RPTOR: variants seen among roughly 807,000 people sequenced by gnomAD.
The protein encoded by RPTOR is regulatory associated protein of MTOR complex 1, also known as regulatory-associated protein of mTOR.
In RPTOR, 21 loss-of-function variants were observed where a neutral mutation model predicts 169.9. The ratio of observed to expected loss-of-function variants is 0.12; its 90% CI spans 0.09 to 0.18. The LOEUF (loss-of-function observed/expected upper bound fraction) is 0.18, where lower values mean the gene tolerates loss of function less well. RPTOR is among the 10% of genes least tolerant of loss of function. The pLI is 1.00. For missense variants in RPTOR, 1,133 were observed against 1,855.9 expected, an observed-to-expected ratio of 0.61 and a Z score of 7.16; for synonymous variants, 732 against 753.2, an observed-to-expected ratio of 0.97 and a Z score of 0.46.
intron 3 of RPTOR, among the ~76,000 whole-genome samples, chr17:80,689,057 A>G (rs1038694669): frequency 3.9e-5 from 6 of 152,250 alleles, no homozygotes; most frequent in Admixed American, 6.5e-5. Flanking sequence ...TTGATTTTGG[A>G]TATGACTTTG....
chr17:80,837,729 C>G (rs1379414985), intron 9 of RPTOR, among the ~76,000 whole-genome samples, 193 bp from the exon 10 acceptor site: 1 of 152,222 alleles, frequency 6.6e-6, no homozygotes, highest in Non-Finnish European at 1.5e-5. Context: ...CTCTCCTGGC[C>G]TCCCCTCGGA....
chr17:80,549,075 T>A (rs777210268), intron 1 of RPTOR, among the ~76,000 whole-genome samples: 24 of 152,236 alleles, frequency 1.6e-4, no homozygotes, highest in Non-Finnish European at 1.5e-4. Flanking sequence ...CTTCCAGAGC[T>A]ACAGCCCTTG....
At chr17:80,961,524 T>G in intron 31 of RPTOR, 44 bp downstream of exon 31, 1 of 1,527,046 alleles carries the variant, frequency 6.5e-7, no homozygotes, top group South Asian at 1.2e-5. Context: ...TGTAAAAACA[T>G]TATTTTCCCC....
At chr17:80,777,459 T>C (rs940651599) in intron 6 of RPTOR, among the ~76,000 whole-genome samples, 1 of 152,178 alleles carries the variant, frequency 6.6e-6, no homozygotes, top group Non-Finnish European at 1.5e-5. Flanking sequence ...TCCTGCTGTG[T>C]GTGAAGTGGT....
chr17:80,595,731 T>A lies in RPTOR; in HGVS notation c.163-29960T>A, dbSNP rs148382826. On this transcript the variant is annotated intron_variant, in intron 1 of 33. Coordinates refer to ENST00000306801, the MANE Select transcript of RPTOR (RefSeq NM_020761.3). Reference sequence around the variant, plus strand: ...TTCGGCCTCCCAAAGTGTTGGGATTTTGGGCATGAGCCATCGTGCCCAGTG... The same window carrying A: ...TTCGGCCTCCCAAAGTGTTGGGATTATGGGCATGAGCCATCGTGCCCAGTG... Among the ~76,000 whole-genome samples, 509 of 152,340 alleles carry A rather than the reference T, an allele frequency of 3.3e-3. 3 individuals carry two copies. Among genetic ancestry groups the A allele is most frequent in the African/African-American group, 0.011 (476 of 41,578 alleles).
In RPTOR at chr17:80,900,332, C is replaced by CT. The variant is rs1285918825; in HGVS notation, c.2401+6475dup. ...GGGCCGTGTGCTCACTGTGGCCTTC[C>CT]TTTTTTTTCTGAGATGGAGTTTTCC... is the stretch of plus-strand genomic sequence containing the variant. On this transcript the variant is annotated intron_variant, in intron 20 of 33. Coordinates refer to ENST00000306801, the MANE Select transcript of RPTOR (RefSeq NM_020761.3). 1.9e-4 allele frequency among the ~76,000 whole-genome samples: 29 copies of CT among 151,060 alleles called. No individual in the cohort carries two copies. The East Asian group carries it at 3.5e-3, about 18-fold the overall frequency.
intron 4 of RPTOR, among the ~76,000 whole-genome samples, chr17:80,714,996 T>G (rs1343969160): frequency 6.6e-6 from 1 of 152,246 alleles, no homozygotes; most frequent in African/African-American, 2.4e-5. Context: ...GTGCTGGGAT[T>G]ACAGGCGTGA....
At chr17:80,710,167 G>A (rs560250732) in intron 4 of RPTOR, among the ~76,000 whole-genome samples, 4 of 151,892 alleles carry the variant, frequency 2.6e-5, no homozygotes, top group Non-Finnish European at 4.4e-5. Flanking sequence ...GCTAATTTTT[G>A]TATTTTTTGT....
chr17:80,588,355 G>T (rs1445651857), intron 1 of RPTOR, among the ~76,000 whole-genome samples: 1 of 152,020 alleles, frequency 6.6e-6, no homozygotes, highest in African/African-American at 2.4e-5. Context: ...TAGAGATGGG[G>T]TTTCACCATG....
At chr17:80,587,912 A>C (rs1312186271) in intron 1 of RPTOR, among the ~76,000 whole-genome samples, 1 of 152,050 alleles carries the variant, frequency 6.6e-6, no homozygotes, top group Non-Finnish European at 1.5e-5. Flanking sequence ...GTGCCTTTTG[A>C]CCAACATCTC....
intron 3 of RPTOR, among the ~76,000 whole-genome samples, chr17:80,670,030 A>G (rs1171710109): frequency 6.6e-6 from 1 of 152,190 alleles, no homozygotes; most frequent in Non-Finnish European, 1.5e-5. Flanking sequence ...GAAGCTTTAG[A>G]TGTACAAGAG....
intron 6 of RPTOR, among the ~76,000 whole-genome samples, chr17:80,777,077 A>T (rs1050929880): frequency 6.6e-5 from 10 of 152,154 alleles, no homozygotes; most frequent in Non-Finnish European, 1.3e-4. Flanking sequence ...TGTCTACTAA[A>T]AATACAAAAA....
At chr17:80,764,496 A>AT (rs1202213871) in intron 6 of RPTOR, among the ~76,000 whole-genome samples, 1 of 151,476 alleles carries the variant, frequency 6.6e-6, no homozygotes, top group Non-Finnish European at 1.5e-5. Context: ...TGAACTCATC[A>AT]TTTTTTATGG....
intron 24 of RPTOR, among the ~76,000 whole-genome samples, chr17:80,930,312 C>CCGGCT (rs2068868641): frequency 1.2e-5 from 1 of 80,142 alleles, no homozygotes; most frequent in African/African-American, 4.5e-5. Flanking sequence ...CAGCTCATCC[C>CCGGCT]CAGCTCAGCT....
At chr17:80,738,201 C>G (rs1357176204) in intron 5 of RPTOR, among the ~76,000 whole-genome samples, 1 of 152,226 alleles carries the variant, frequency 6.6e-6, no homozygotes, top group Non-Finnish European at 1.5e-5. Flanking sequence ...CCAGCCCGGC[C>G]CCGTGTACCT....
chr17:80,724,614 T>TC (rs1023863554), intron 4 of RPTOR, among the ~76,000 whole-genome samples: 2 of 152,124 alleles, frequency 1.3e-5, no homozygotes, highest in African/African-American at 4.8e-5. Flanking sequence ...GGTTCTCCCA[T>TC]CCCAACAGTG....
At position 80,947,964 on chromosome 17, in the gene RPTOR, A is replaced by G. The variant is rs191255720; in HGVS notation, c.3265+613A>G. Among the ~76,000 whole-genome samples, 188 of 152,282 alleles carry G rather than the reference A, an allele frequency of 1.2e-3. 1 individual carries two copies. The South Asian group carries it at 0.027, about 22-fold the overall frequency. ...TTAGTTTCATCTTCACTTTGGAACAATCGTTTGTTTCCATGTCAGTTACCC... is the reference window on the plus strand; with the variant it reads ...TTAGTTTCATCTTCACTTTGGAACAGTCGTTTGTTTCCATGTCAGTTACCC... On this transcript the variant is annotated intron_variant, in intron 27 of 33. Transcript: ENST00000306801. The surrounding 1 kb of genome is among the most constrained non-coding windows in gnomAD (Gnocchi z 4.4).
Position 80,889,821 on chromosome 17 carries a change from ACG to A in RPTOR, c.1984-1897_1984-1896del, listed in dbSNP as rs1555631829. Among the ~76,000 whole-genome samples the A allele has an allele frequency of 3.8e-3, 526 of 139,490 alleles. 23 individuals are homozygous for A. The highest frequency in any genetic ancestry group is 0.013 in the African/African-American group (484 of 38,160). 91.5% of individuals were successfully genotyped at this position (139,490 alleles called of 152,430 possible). The stretch of plus-strand genomic sequence containing the variant: ...TGCGGCCTCCAAGGGAGGCCCCCGT[ACG>A]CAGCAGGATGTGCGGCCTCCGAGGG... On this transcript the variant is annotated intron_variant, in intron 17 of 33. Coordinates refer to ENST00000306801, the MANE Select transcript of RPTOR (RefSeq NM_020761.3).
chr17:80,909,019 C>T (rs954880161), intron 21 of RPTOR, 90 bp downstream of exon 21: 1 of 869,058 alleles, frequency 1.2e-6, no homozygotes, highest in South Asian at 1.4e-5. Context: ...CCCGGGTCCA[C>T]ACCACAGTTT....
Sources: allele counts gnomAD v4.1 joint callset (sites outside exome capture counted in the v4.1 genomes callset), GRCh38; gene constraint gnomAD v4.1.1; non-coding constraint Gnocchi (gnomAD v3.1); transcripts MANE v1.5; gene names NCBI Gene and HGNC (gene_info 2026-07-23, HGNC 2026-07-21).